PLXDC2: variants seen among roughly 807,000 people sequenced by gnomAD.
PLXDC2 encodes the protein plexin domain-containing protein 2.
Under a neutral mutation model 68.9 loss-of-function variants are expected in PLXDC2, and 40 were observed. That is an observed-to-expected ratio of 0.58 (90% CI 0.45 to 0.76). PLXDC2 has a LOEUF of 0.76. PLXDC2 is among the 30% of genes least tolerant of loss of function. The probability of loss-of-function intolerance (pLI) is 0.00; values close to 1 mark genes in which losing one functional copy is unlikely to be tolerated. For missense variants in PLXDC2, 644 were observed against 661.9 expected (o/e 0.97, Z 0.30); for synonymous variants, 243 against 234.2 (o/e 1.04, Z -0.34).
intron 1 of PLXDC2, among the ~76,000 whole-genome samples, chr10:19,960,350 T>C (rs370813929): frequency 1.3e-5 from 2 of 151,812 alleles, no homozygotes; most frequent in Admixed American, 6.6e-5. Context: ...GGTGACTGAG[T>C]GAGACCCTGT....
intron 13 of PLXDC2, among the ~76,000 whole-genome samples, chr10:20,257,446 G>A (rs1004660009): frequency 2.0e-5 from 3 of 152,040 alleles, no homozygotes; most frequent in Non-Finnish European, 2.9e-5. Context: ...GTAACCCAAC[G>A]GCAAAAATAA....
At position 20,044,185 on chromosome 10, in the gene PLXDC2, CTT is replaced by C. The variant is rs1835738530; in HGVS notation, c.325-2682_325-2681del. On this transcript the variant is annotated intron_variant, in intron 2 of 13. Transcript: ENST00000377252. Reference sequence around the variant, plus strand: ...TTCCTCTTTCTTTCTTTCCTTCTTTCTTTCTTTCTCTCTCTCTCTCTCTCTGT... The same window carrying C: ...TTCCTCTTTCTTTCTTTCCTTCTTTCTCTTTCTCTCTCTCTCTCTCTCTGT... Among the ~76,000 whole-genome samples the C allele has an allele frequency of 8.9e-4, 109 of 122,534 alleles. 5 individuals are homozygous for C. Among genetic ancestry groups the C allele is most frequent in the African/African-American group, 3.6e-3 (103 of 28,226 alleles). The allele number at this position is 122,534 out of a possible 152,430, so 80.4% of individuals were successfully genotyped here.
At chr10:19,983,765 C>T (rs1834592262) in intron 1 of PLXDC2, among the ~76,000 whole-genome samples, 1 of 152,136 alleles carries the variant, frequency 6.6e-6, no homozygotes, top group South Asian at 2.1e-4. Flanking sequence ...AGCAGCAACA[C>T]CAGGAGGCTC....
chr10:20,175,343 A>G lies in PLXDC2; in HGVS notation c.884-1656A>G, dbSNP rs181729014. 2.9e-3 allele frequency among the ~76,000 whole-genome samples: 438 copies of G among 152,324 alleles called. 1 individual carries two copies. The highest frequency in any genetic ancestry group is 4.5e-3 in the Non-Finnish European group (308 of 68,028). ...GAGCCTGAGGCAACACAGATTCCTC[A>G]CAGCAAAACTGTGGTTTGAGCCCAG... On this transcript the variant is annotated intron_variant, in intron 7 of 13. Transcript: ENST00000377252.
intron 1 of PLXDC2, among the ~76,000 whole-genome samples, chr10:19,965,437 C>T (rs1047727420): frequency 6.6e-6 from 1 of 152,130 alleles, no homozygotes; most frequent in Non-Finnish European, 1.5e-5. Flanking sequence ...AAGGCAAATG[C>T]TATGCTTTTG....
intron 1 of PLXDC2, among the ~76,000 whole-genome samples, chr10:19,999,461 A>G (rs1419215845): frequency 6.7e-6 from 1 of 148,386 alleles, no homozygotes; most frequent in East Asian, 2.0e-4. Flanking sequence ...CTTAGTGTGT[A>G]TGTTTTTTAA....
chr10:20,209,639 G>T (rs981978145), intron 9 of PLXDC2, among the ~76,000 whole-genome samples: 2 of 152,102 alleles, frequency 1.3e-5, no homozygotes, highest in Non-Finnish European at 2.9e-5. Context: ...CAGAGTTTAA[G>T]GTTATCTCTC....
intron 4 of PLXDC2, among the ~76,000 whole-genome samples, chr10:20,106,982 C>G (rs1833499302): frequency 6.7e-6 from 1 of 149,602 alleles, no homozygotes; most frequent in African/African-American, 2.5e-5. Flanking sequence ...CTCCTTTATC[C>G]TTTATATTTT....
intron 1 of PLXDC2, among the ~76,000 whole-genome samples, chr10:19,868,214 A>G (rs936031960): frequency 6.6e-6 from 1 of 152,094 alleles, no homozygotes; most frequent in African/African-American, 2.4e-5. Context: ...TTATTTTGTC[A>G]CCGAGGTAAT....
chr10:20,015,359 TG>T (rs1471464003), intron 2 of PLXDC2, among the ~76,000 whole-genome samples: 2 of 152,182 alleles, frequency 1.3e-5, no homozygotes, highest in African/African-American at 4.8e-5. Context: ...TGCACGTGTC[TG>T]TGTGTTTGTG....
intron 6 of PLXDC2, among the ~76,000 whole-genome samples, chr10:20,159,550 A>G (rs1834263416): frequency 1.3e-5 from 2 of 152,104 alleles, no homozygotes; most frequent in African/African-American, 4.8e-5. Context: ...TTGATTTCCC[A>G]GCAGCCAGCG....
chr10:19,856,253 G>A lies in PLXDC2; in HGVS notation c.112+39062G>A, dbSNP rs1589503148. 2.6e-5 allele frequency among the ~76,000 whole-genome samples: 4 copies of A among 151,942 alleles called. No individual in the cohort carries two copies. The East Asian group carries it at 5.8e-4, about 22-fold the overall frequency. ...TTGTTTACATATATATGCTTTTCTC[G>A]ATCTTTGTCTTTTTCTATTTTTTTG... On this transcript the variant is annotated intron_variant, in intron 1 of 13. Coordinates refer to ENST00000377252, the MANE Select transcript of PLXDC2 (RefSeq NM_032812.9).
intron 2 of PLXDC2, among the ~76,000 whole-genome samples, chr10:20,022,820 T>C (rs1417054082): frequency 9.2e-5 from 14 of 152,082 alleles, no homozygotes; most frequent in Admixed American, 9.2e-4. Context: ...GTTGTGAATT[T>C]GAAGGTGAAA....
At chr10:20,228,216 A>G (rs1835311914) in intron 12 of PLXDC2, among the ~76,000 whole-genome samples, 1 of 152,182 alleles carries the variant, frequency 6.6e-6, no homozygotes, top group Non-Finnish European at 1.5e-5. Context: ...GCAGCGTATA[A>G]ATGACAGTTG....
In PLXDC2 at chr10:20,046,877, A is replaced by C. The variant is rs768692259; in HGVS notation, c.333A>C (p.Thr111=). ...QDNNTQIEED[T]DHNYYISRIY... is the part of the protein sequence containing the mutation. ...ATTATCTATTATTGCAGGAGGATAC[A>C]GACCACAATTACTATATATCTCGAA... Residue 111 remains threonine (T), a synonymous_variant, in exon 3 of 14, where the codon ACA becomes ACC. Transcript: ENST00000377252. 1 of 1,609,164 alleles carries C rather than the reference A, an allele frequency of 6.2e-7. No individual in the cohort carries two copies. Among genetic ancestry groups the C allele is most frequent in the Non-Finnish European group, 8.5e-7 (1 of 1,178,014 alleles).
intron 1 of PLXDC2, among the ~76,000 whole-genome samples, chr10:19,933,632 CAAAA>C (rs1169673624): frequency 6.6e-6 from 1 of 151,554 alleles, no homozygotes; most frequent in African/African-American, 2.4e-5. Flanking sequence ...GACTCAGTCT[CAAAA>C]AACAAAAACA....
chr10:19,967,622 C>G (rs1018360556), intron 1 of PLXDC2, among the ~76,000 whole-genome samples: 5 of 152,096 alleles, frequency 3.3e-5, no homozygotes, highest in Non-Finnish European at 4.4e-5. Context: ...TCAGACCTTA[C>G]CACTTAAAAT....
chr10:19,888,773 G>A (rs565640666), intron 1 of PLXDC2, among the ~76,000 whole-genome samples: 2 of 152,186 alleles, frequency 1.3e-5, no homozygotes, highest in Admixed American at 6.5e-5. Flanking sequence ...GAGGGGTAGG[G>A]TGAGGCTGGT....
At chr10:20,058,144 C>G (rs1350754663) in intron 3 of PLXDC2, among the ~76,000 whole-genome samples, 3 of 152,102 alleles carry the variant, frequency 2.0e-5, no homozygotes, top group African/African-American at 7.2e-5. Flanking sequence ...CAAATATTTT[C>G]TAATTGGTAC....
Sources: gnomAD v4.1 joint callset for allele counts (sites outside exome capture counted in the v4.1 genomes callset) on GRCh38, gnomAD v4.1.1 for gene constraint, MANE v1.5 for transcripts, NCBI Gene and HGNC (gene_info 2026-07-23, HGNC 2026-07-21) for gene names.